PTPN3: variants seen among roughly 807,000 people sequenced by gnomAD.
PTPN3 encodes protein tyrosine phosphatase non-receptor type 3, also known as tyrosine-protein phosphatase non-receptor type 3.
A neutral mutation model predicts 132.7 loss-of-function variants in PTPN3; 96 were observed. The ratio of observed to expected loss-of-function variants is 0.72; its 90% confidence interval spans 0.61 to 0.86. The LOEUF (loss-of-function observed/expected upper bound fraction) is 0.86. Among genes scored for constraint, PTPN3 ranks in the 40% least tolerant of loss-of-function variants. The pLI is 0.00. For synonymous variants in PTPN3, 398 were observed against 429.0 expected (o/e 0.93, Z 0.89); for missense variants, 1,125 against 1,159.6 (o/e 0.97, Z 0.43).
the PTPN3 span, among the ~76,000 whole-genome samples, chr9:109,538,194 A>G: frequency 6.6e-6 from 1 of 152,228 alleles, no homozygotes; most frequent in Non-Finnish European, 1.5e-5. Context: ...CAATATTTTC[A>G]TCATTTCTTT....
chr9:109,449,639 G>A (rs576278188), intron 5 of PTPN3: 3 of 985,382 alleles, frequency 3.0e-6, no homozygotes, highest in Non-Finnish European at 2.4e-6. Context: ...TTAGGGATGC[G>A]GCATACATGT....
chr9:109,436,831 A>G (rs1363743850), intron 9 of PTPN3, 52 bp downstream of exon 9: 1 of 1,564,188 alleles, frequency 6.4e-7, no homozygotes, highest in East Asian at 2.3e-5. Context: ...AAACTCTCAG[A>G]GATTAAAATA....
chr9:109,434,956 A>C (rs1307719979), intron 9 of PTPN3, among the ~76,000 whole-genome samples: 3 of 152,208 alleles, frequency 2.0e-5, no homozygotes, highest in Non-Finnish European at 4.4e-5. Flanking sequence ...GATACTGTGG[A>C]AAGTCCAGGC....
intron 1 of PTPN3, among the ~76,000 whole-genome samples, chr9:109,465,182 G>T (rs572751516): frequency 6.6e-6 from 1 of 152,206 alleles, no homozygotes; most frequent in African/African-American, 2.4e-5. Context: ...TGGTTTAACC[G>T]GTGATTTCAA....
intron 1 of PTPN3, among the ~76,000 whole-genome samples, chr9:109,473,395 T>G (rs1230593084): frequency 1.3e-5 from 2 of 152,188 alleles, no homozygotes; most frequent in Non-Finnish European, 2.9e-5. Context: ...AGTTTTCTTA[T>G]TATGGAGTTG....
intron 1 of PTPN3, among the ~76,000 whole-genome samples, chr9:109,496,978 C>G (rs1390406820): frequency 6.6e-6 from 1 of 152,206 alleles, no homozygotes; most frequent in East Asian, 1.9e-4. Context: ...TTTCTCCCAT[C>G]ATCTGCTTAA....
At chr9:109,447,302 T>C (rs1844928216) in intron 6 of PTPN3, among the ~76,000 whole-genome samples, 1 of 152,118 alleles carries the variant, frequency 6.6e-6, no homozygotes, top group African/African-American at 2.4e-5. Context: ...GACTGCAAAC[T>C]ATCTGTGGAA....
In PTPN3 at chr9:109,474,575, G is replaced by A. The variant is rs1303343815; in HGVS notation, c.-17-11124C>T. Among the ~76,000 whole-genome samples, 3 of 152,124 alleles carry A rather than the reference G, an allele frequency of 2.0e-5. No individual in the cohort carries two copies. The East Asian group carries it at 5.8e-4, about 29-fold the overall frequency. On this transcript the variant is annotated intron_variant, in intron 1 of 25. Coordinates refer to ENST00000374541, the MANE Select transcript of PTPN3 (RefSeq NM_002829.4). ...TGCAGGATAAGGGGTATTGGCCAGG[G>A]AGAAGCTGCAGCATTCCAGACACTG...
Position 109,448,864 on chromosome 9 carries a change from C to T in PTPN3, c.369-9G>A, listed in dbSNP as rs773375351. ...GTAAGAAATACAAGTGCCTATGAAA[C>T]AATTGTTTTCATTAATTCATACTCA... On this transcript the variant is annotated splice_polypyrimidine_tract_variant and intron_variant, in intron 5 of 25. Transcript: ENST00000374541. 2.8e-6 allele frequency: 4 copies of T among 1,438,484 alleles called. No individual in the cohort carries two copies. In the African/African-American group the frequency reaches 6.3e-5, roughly 23 times the overall value. 89.1% of individuals were successfully genotyped at this position (1,438,484 alleles called of 1,614,324 possible).
chr9:109,515,314 C>T, the PTPN3 span, among the ~76,000 whole-genome samples: 2 of 152,142 alleles, frequency 1.3e-5, no homozygotes, highest in African/African-American at 4.8e-5. Flanking sequence ...TATGAGCCAC[C>T]ATGCCTAGCA....
Position 109,388,780 on chromosome 9 carries a change from G to C in PTPN3, c.2253+453C>G, listed in dbSNP as rs1241888069. ...GAAGAATGACCTTCCTGCTGAAAAG[G>C]CAGAGTCAACTTTACAGGGAAGAGA... is the stretch of plus-strand genomic sequence containing the variant. On this transcript the variant is annotated intron_variant, in intron 22 of 25. Transcript: ENST00000374541. Among the ~76,000 whole-genome samples the C allele has an allele frequency of 2.0e-5, 3 of 152,220 alleles. No individual in the cohort carries two copies. In the East Asian group the frequency reaches 5.8e-4, roughly 29 times the overall value.
intron 1 of PTPN3, among the ~76,000 whole-genome samples, chr9:109,492,480 TGTCTGGAGGGTCAGGG>T (rs1847507261): frequency 6.6e-6 from 1 of 152,202 alleles, no homozygotes; most frequent in African/African-American, 2.4e-5. Flanking sequence ...TCAAAGCACT[TGTCTGGAGGGTCAGGG>T]GTCTGACCAC....
intron 19 of PTPN3, among the ~76,000 whole-genome samples, chr9:109,401,893 C>T (rs746373814): frequency 3.9e-5 from 6 of 152,258 alleles, no homozygotes; most frequent in Non-Finnish European, 7.4e-5. Context: ...CCTGGAGTCC[C>T]CTCACCTCCA....
chr9:109,468,249 T>G (rs1454662267), intron 1 of PTPN3, among the ~76,000 whole-genome samples: 1 of 152,218 alleles, frequency 6.6e-6, no homozygotes, highest in East Asian at 1.9e-4. Context: ...TGCTGATGCA[T>G]TTTATAATAT....
chr9:109,455,668 C>G (rs190780373), intron 4 of PTPN3, among the ~76,000 whole-genome samples: 7 of 152,288 alleles, frequency 4.6e-5, no homozygotes, highest in Admixed American at 4.6e-4. Flanking sequence ...TGTTCACCTC[C>G]CCTCCCCCTC....
At chr9:109,452,266 C>CA (rs1158259516) in intron 5 of PTPN3, among the ~76,000 whole-genome samples, 29,575 of 70,848 alleles carry the variant, frequency 0.42, 5,947 homozygotes, top group African/African-American at 0.53. Flanking sequence ...AGCTCCGTCT[C>CA]AAAAAAAAAA....
At chr9:109,434,689 C>T (rs1588420821) in intron 9 of PTPN3, among the ~76,000 whole-genome samples, 1 of 152,194 alleles carries the variant, frequency 6.6e-6, no homozygotes, top group East Asian at 1.9e-4. Flanking sequence ...CACCTACTAG[C>T]TATATAATGT....
At chr9:109,417,461 A>T (rs748157145) in intron 14 of PTPN3, 5 of 536,642 alleles carry the variant, frequency 9.3e-6, no homozygotes, top group Non-Finnish European at 1.2e-5. Flanking sequence ...CTCTTAACAC[A>T]AATCTGCTGT....
chr9:109,513,217 G>C, the PTPN3 span, among the ~76,000 whole-genome samples: 1 of 151,876 alleles, frequency 6.6e-6, no homozygotes, highest in African/African-American at 2.4e-5. Flanking sequence ...ACAAAGTCCT[G>C]CTGTGTTTCC....
Sources: allele counts gnomAD v4.1 joint callset (sites outside exome capture counted in the v4.1 genomes callset), GRCh38; gene constraint gnomAD v4.1.1; transcripts MANE v1.5; gene names NCBI Gene and HGNC (gene_info 2026-07-23, HGNC 2026-07-21).